SMG5: variants seen among roughly 807,000 people sequenced by gnomAD.
The protein encoded by SMG5 is SMG5 nonsense mediated mRNA decay factor.
Under a neutral mutation model 122.9 loss-of-function variants are expected in SMG5, and 53 were observed. The ratio of observed to expected loss-of-function variants is 0.43; its 90% confidence interval spans 0.35 to 0.54. The LOEUF (loss-of-function observed/expected upper bound fraction) is 0.54. Ranked by LOEUF, SMG5 falls within the 20% of genes least tolerant of loss-of-function variation. SMG5 has a pLI of 0.01. For synonymous variants in SMG5, 477 were observed against 490.2 expected (o/e 0.97, Z 0.35); for missense variants, 1,153 against 1,285.6 (o/e 0.90, Z 1.58).
Position 156,250,664 on chromosome 1 carries a change from G to A in SMG5, c.2974C>T (p.Leu992=), listed in dbSNP as rs148949638. The change falls in exon 22 of 22, where the codon CTG becomes TTG. Residue 992 remains leucine (L), a synonymous_variant. Transcript: ENST00000361813. Reference sequence around the variant, plus strand: ...ACACTGGCGTGGGCAGCGGCCTGCAGGGCTGCCTGTGGAATGGGAGAAGGA... The same window carrying A: ...ACACTGGCGTGGGCAGCGGCCTGCAAGGCTGCCTGTGGAATGGGAGAAGGA... ...SVLSGPMQAA[L]QAAAHASVDI... is the part of the protein sequence containing the mutation. 6.2e-7 allele frequency: 1 copy of A among 1,614,090 alleles called. No homozygotes were observed. Among genetic ancestry groups the A allele is most frequent in the South Asian group, 1.1e-5 (1 of 91,080 alleles).
upstream of SMG5, chr1:156,286,223 C>T: frequency 1.9e-6 from 3 of 1,605,162 alleles, no homozygotes; most frequent in Non-Finnish European, 2.6e-6. Context: ...CTTCCCCTGC[C>T]TTTTCTGACC....
the SMG5 span, chr1:156,291,342 C>A: frequency 6.3e-7 from 1 of 1,587,206 alleles, no homozygotes; most frequent in Non-Finnish European, 8.6e-7. Flanking sequence ...TCAGCTGACG[C>A]GCTTCCCTCG....
At chr1:156,258,569 A>C (rs2103214444) in intron 16 of SMG5, among the ~76,000 whole-genome samples, 1 of 152,326 alleles carries the variant, frequency 6.6e-6, no homozygotes. Flanking sequence ...AGGCCAAGGC[A>C]GGTGGATCAC....
chr1:156,259,965 C>T (rs1238315157), intron 15 of SMG5, among the ~76,000 whole-genome samples: 3 of 152,168 alleles, frequency 2.0e-5, no homozygotes, highest in African/African-American at 7.2e-5. Context: ...TATGTCAGGA[C>T]TGGGTGGCCT....
At chr1:156,274,510 C>T in intron 5 of SMG5, 87 bp downstream of exon 5, 1 of 1,208,698 alleles carries the variant, frequency 8.3e-7, no homozygotes, top group African/African-American at 1.5e-5. Flanking sequence ...TGCTCTCCAA[C>T]CATGTAATGG....
At chr1:156,272,238 A>T in intron 7 of SMG5, 82 bp downstream of exon 7, 2 of 1,236,846 alleles carry the variant, frequency 1.6e-6, no homozygotes, top group South Asian at 2.6e-5. Flanking sequence ...AGCTAGAGGA[A>T]GGAGGAAGGG....
chr1:156,286,296 C>T, upstream of SMG5: 1 of 1,614,254 alleles, frequency 6.2e-7, no homozygotes, highest in South Asian at 1.1e-5. Flanking sequence ...TTATGCTTTT[C>T]TGCCCTTCGG....
chr1:156,255,804 G>A (rs564895214), intron 16 of SMG5, among the ~76,000 whole-genome samples: 14 of 152,198 alleles, frequency 9.2e-5, no homozygotes, highest in Admixed American at 2.6e-4. Flanking sequence ...TCAGGAGGCC[G>A]AGGCAGGACA....
chr1:156,271,762 T>C (rs555712603), intron 7 of SMG5, among the ~76,000 whole-genome samples: 1 of 151,970 alleles, frequency 6.6e-6, no homozygotes, highest in Non-Finnish European at 1.5e-5. Context: ...CCAGCTGATT[T>C]TTGTATTTTT....
Position 156,281,135 on chromosome 1 carries a change from A to C in SMG5, c.74+1472T>G, listed in dbSNP as rs1019229043. 2.0e-5 allele frequency among the ~76,000 whole-genome samples: 3 copies of C among 152,172 alleles called. No individual in the cohort carries two copies. The East Asian group carries it at 5.8e-4, about 29-fold the overall frequency. ...TCCACTGATCACCACTGCTATAATA[A>C]ATTATAAAAACAGTGATTGGCTGCC... On this transcript the variant is annotated intron_variant, in intron 1 of 21. Coordinates refer to ENST00000361813, the MANE Select transcript of SMG5 (RefSeq NM_015327.3).
intron 7 of SMG5, among the ~76,000 whole-genome samples, chr1:156,271,912 C>T (rs964491694): frequency 3.9e-5 from 6 of 151,950 alleles, no homozygotes; most frequent in Non-Finnish European, 7.4e-5. Flanking sequence ...GTTTTTTATT[C>T]TAACAGCTAA....
intron 1 of SMG5, 40 bp from the exon 2 acceptor site, chr1:156,279,074 C>T (rs571049753): frequency 2.6e-6 from 4 of 1,531,420 alleles, no homozygotes; most frequent in East Asian, 2.2e-5. Context: ...CAGCCATATG[C>T]ATGGTCCACA....
chr1:156,262,426 A>C (rs1661892638), intron 13 of SMG5, among the ~76,000 whole-genome samples: 1 of 150,472 alleles, frequency 6.6e-6, no homozygotes, highest in African/African-American at 2.5e-5. Flanking sequence ...CAGTGAGCCG[A>C]AATCGTGCCA....
Position 156,261,384 on chromosome 1 carries a change from G to C in SMG5, c.2056C>G (p.Leu686Val), listed in dbSNP as rs1661825627. The change falls in exon 14 of 22, where the codon CTG becomes GTG. Residue 686 changes from leucine (L) to valine (V), a missense_variant. Leu to Val is a conservative substitution (Grantham distance 32). Transcript: ENST00000361813. Reference protein sequence around the residue: ...AQSSQSLWNRLSVLLNLLPAA... With the variant: ...AQSSQSLWNRVSVLLNLLPAA... The stretch of plus-strand genomic sequence containing the variant: ...GGCAACAGATTCAGCAACACAGACA[G>C]GCGGTTCCACAGACTTTGAGAGCTC... The C allele has an allele frequency of 6.8e-6, 11 of 1,614,164 alleles. 1 individual carries two copies. The highest frequency in any genetic ancestry group is 1.6e-4 in the Middle Eastern group (1 of 6,062).
intron 14 of SMG5, 38 bp downstream of exon 14, chr1:156,261,295 G>T: frequency 1.3e-6 from 2 of 1,595,328 alleles, no homozygotes; most frequent in Non-Finnish European, 1.7e-6. Context: ...GACAATGAGA[G>T]AGCAAAGAAA....
chr1:156,289,266 A>G, the SMG5 span, among the ~76,000 whole-genome samples: 1 of 152,170 alleles, frequency 6.6e-6, no homozygotes, highest in African/African-American at 2.4e-5. Context: ...TGAGGTCAGG[A>G]GATCGAGACC....
chr1:156,251,253 A>T, intron 20 of SMG5, 150 bp downstream of exon 20: 3 of 998,630 alleles, frequency 3.0e-6, no homozygotes, highest in Non-Finnish European at 4.7e-6. Flanking sequence ...GCAACTTCGT[A>T]CTCCTCGCAA....
chr1:156,253,064 C>G lies in SMG5; in HGVS notation c.2517G>C (p.Gln839His). The change falls in exon 18 of 22, where the codon CAG becomes CAC. Residue 839 changes from glutamine to histidine, a missense_variant. By Grantham distance (24) the Gln-to-His change is conservative. Coordinates refer to ENST00000361813, the MANE Select transcript of SMG5 (RefSeq NM_015327.3). Reference protein sequence around the residue: ...AQLRLQLEVSQLEGSLQQPKA... With the variant: ...AQLRLQLEVSHLEGSLQQPKA... ...TGGGCTGCTGCAGGCTGCCCTCCAG[C>G]TGAGACACTTCGAGCTGGTGAGAGA... 1 of 1,607,392 alleles carries G rather than the reference C, an allele frequency of 6.2e-7. No homozygotes were observed. Among genetic ancestry groups the G allele is most frequent in the Non-Finnish European group, 8.5e-7 (1 of 1,176,712 alleles).
In SMG5 at chr1:156,250,161, C is replaced by G; in HGVS notation, c.*426G>C. On this transcript the variant is annotated 3_prime_UTR_variant, in exon 22 of 22. Transcript: ENST00000361813. ...ACCAGGTATTACCCAGCTCTTCCCC[C>G]AAGACCTAGAGGGTCCAAACTCCTG... 2 of 355,726 alleles carry G rather than the reference C, an allele frequency of 5.6e-6. No homozygotes were observed. The highest frequency in any genetic ancestry group is 1.1e-5 in the Non-Finnish European group (2 of 178,924). 22.0% of individuals were successfully genotyped at this position (355,726 alleles called of 1,614,324 possible). A position where few individuals can be genotyped will look rare whatever the true frequency, so the allele number is the denominator to read the frequency against.
Sources: allele counts gnomAD v4.1 joint callset (sites outside exome capture counted in the v4.1 genomes callset), GRCh38; gene constraint gnomAD v4.1.1; transcripts MANE v1.5; gene names NCBI Gene and HGNC (gene_info 2026-07-23, HGNC 2026-07-21).